Variants in NPHP3 observed in about 807,000 individuals in gnomAD.
The protein encoded by NPHP3 is nephrocystin-3.
In NPHP3, 123 loss-of-function variants were observed where a neutral mutation model predicts 171.9. That is an observed-to-expected ratio of 0.72 (90% confidence interval 0.62 to 0.83). The LOEUF is 0.83. NPHP3 is among the 40% of genes least tolerant of loss of function. NPHP3 has a pLI of 0.00. For missense variants in NPHP3, 1,506 were observed against 1,591.9 expected, an observed-to-expected ratio of 0.95 and a Z score of 0.92; for synonymous variants, 558 against 579.2, an observed-to-expected ratio of 0.96 and a Z score of 0.52.
At chr3:132,691,315 T>C in intron 17 of NPHP3, 29 bp from the exon 18 acceptor site, 1 of 1,483,334 alleles carries the variant, frequency 6.7e-7, no homozygotes, top group South Asian at 1.1e-5. Context: ...AATACTGAGT[T>C]CTATTTCACG....
At chr3:132,721,752 G>T in intron 1 of NPHP3, 1 of 736,234 alleles carries the variant, frequency 1.4e-6, no homozygotes, top group Non-Finnish European at 2.4e-6. Context: ...AGTGAGCCGC[G>T]ATCGTGCCAC....
intron 1 of NPHP3, among the ~76,000 whole-genome samples, chr3:132,720,998 A>G (rs889605665): frequency 1.3e-5 from 2 of 151,760 alleles, no homozygotes; most frequent in Non-Finnish European, 2.9e-5. Flanking sequence ...GCTCACTGCA[A>G]CCTCCGCCTC....
At position 132,697,357 on chromosome 3, in the gene NPHP3, C is replaced by T; in HGVS notation, c.1991G>A (p.Trp664Ter). 6.2e-7 allele frequency: 1 copy of T among 1,603,304 alleles called. No homozygotes were observed. Among genetic ancestry groups the T allele is most frequent in the Non-Finnish European group, 8.5e-7 (1 of 1,172,292 alleles). Residue 664 changes from tryptophan (W) to a stop codon, truncating the protein, a stop_gained, in exon 14 of 27, where the codon TGG becomes TAG. Coordinates refer to ENST00000337331, the MANE Select transcript of NPHP3 (RefSeq NM_153240.5). LOFTEE classifies it high-confidence loss of function. ...VETCPPAWRL[W>*]PTLHLDPLSP... Reference sequence around the variant, plus strand: ...TAAGGGATCAAGATGAAGTGTAGGCCACAACCTTTTATGTAAAGAAAAGAA... The same window carrying T: ...TAAGGGATCAAGATGAAGTGTAGGCTACAACCTTTTATGTAAAGAAAAGAA...
At chr3:132,710,576 GT>G (rs1939882112) in intron 6 of NPHP3, among the ~76,000 whole-genome samples, 2 of 152,056 alleles carry the variant, frequency 1.3e-5, no homozygotes, top group Non-Finnish European at 1.5e-5. Context: ...CCCAACAAGG[GT>G]GCTGATGTAA....
rs763973589 is a variant in NPHP3, at chr3:132,719,732, G to A, written c.492C>T (p.Asp164=). 1.3e-6 allele frequency: 2 copies of A among 1,570,876 alleles called. No individual in the cohort carries two copies. The highest frequency in any genetic ancestry group is 1.7e-6 in the Non-Finnish European group (2 of 1,155,060). The change falls in exon 2 of 27, where the codon GAC becomes GAT. Residue 164 remains aspartate, a synonymous_variant. Coordinates refer to ENST00000337331, the MANE Select transcript of NPHP3 (RefSeq NM_153240.5). ...TGAATTGCCTTTTAACTTTATCTCT[G>A]TCATGTTCAAATGTTGCTGCTCTCT... ...AMERAATFEH[D]RDKVKRQFKI... is the part of the protein sequence containing the mutation.
At chr3:132,687,555 T>C (rs1249197946) in intron 21 of NPHP3, among the ~76,000 whole-genome samples, 2 of 152,202 alleles carry the variant, frequency 1.3e-5, no homozygotes, top group African/African-American at 4.8e-5. Flanking sequence ...TCATCCTAAG[T>C]CTCTGAAGGG....
intron 4 of NPHP3, among the ~76,000 whole-genome samples, chr3:132,715,692 G>T (rs1246677186): frequency 1.3e-5 from 2 of 152,190 alleles, no homozygotes; most frequent in African/African-American, 2.4e-5. Flanking sequence ...TTTTAAAAAT[G>T]ATTTTCATTT....
In NPHP3 at chr3:132,722,225, GAGTTGCGCAGC is replaced by G; in HGVS notation, c.120_130del (p.Leu41ValfsTer118). ...TGCCGCCCCCGCGCCTCGGCGGAACGAGTTGCGCAGCAGGCGGGCCTTGGGCTTCACCTCCA... is the reference window on the plus strand; with the variant it reads ...TGCCGCCCCCGCGCCTCGGCGGAACGAGGCGGGCCTTGGGCTTCACCTCCA... On this transcript the variant is annotated frameshift_variant, in exon 1 of 27. Coordinates refer to ENST00000337331, the MANE Select transcript of NPHP3 (RefSeq NM_153240.5). LOFTEE classifies it high-confidence loss of function. The G allele has an allele frequency of 7.1e-6, 11 of 1,549,806 alleles. No individual in the cohort carries two copies. Among genetic ancestry groups the G allele is most frequent in the Non-Finnish European group, 9.5e-6 (11 of 1,158,522 alleles).
chr3:132,721,802 G>A (rs955629739), intron 1 of NPHP3, 161 bp downstream of exon 1: 4 of 940,726 alleles, frequency 4.3e-6, no homozygotes, highest in South Asian at 1.4e-5. Context: ...GACAGAAAAA[G>A]GGGAGGGTTA....
At position 132,722,116 on chromosome 3, in the gene NPHP3, C is replaced by G. The variant is rs1940247250; in HGVS notation, c.240G>C (p.Ser80=). ...CCGCCGCGTACTCCAGCTCTGGCAC[C>G]GACGAGCCAGTGGACTTGAAGCTGG... The part of the protein sequence containing the change: ...LGASFKSTGS[S]VPELEYAAAE... The change falls in exon 1 of 27, where the codon TCG becomes TCC. Residue 80 remains serine, a synonymous_variant. Transcript: ENST00000337331. 16 of 1,604,802 alleles carry G rather than the reference C, an allele frequency of 1.0e-5. No individual in the cohort carries two copies. In the South Asian group the frequency reaches 1.8e-4, roughly 18 times the overall value.
chr3:132,698,711 A>G (rs1939523335), intron 13 of NPHP3, among the ~76,000 whole-genome samples: 1 of 152,150 alleles, frequency 6.6e-6, no homozygotes, highest in Non-Finnish European at 1.5e-5. Context: ...CGTTACGTGG[A>G]GCTACTCAAA....
intron 9 of NPHP3, among the ~76,000 whole-genome samples, chr3:132,701,750 C>A (rs191547324): frequency 6.6e-6 from 1 of 152,176 alleles, no homozygotes; most frequent in African/African-American, 2.4e-5. Context: ...TGGCTGGGCG[C>A]GGTGGCTCAC....
chr3:132,699,771 T>A, intron 12 of NPHP3, 147 bp downstream of exon 12: 1 of 842,872 alleles, frequency 1.2e-6, no homozygotes. Flanking sequence ...ATTTTTTTAA[T>A]CCATGTTACC....
intron 13 of NPHP3, among the ~76,000 whole-genome samples, chr3:132,697,985 CTT>C (rs753485150): frequency 1.5e-4 from 21 of 143,760 alleles, no homozygotes; most frequent in Non-Finnish European, 1.5e-4. Context: ...AATTGCTCTA[CTT>C]TTTTTTTTTT....
At chr3:132,695,908 T>C (rs1939440988) in intron 15 of NPHP3, among the ~76,000 whole-genome samples, 1 of 152,196 alleles carries the variant, frequency 6.6e-6, no homozygotes, top group Non-Finnish European at 1.5e-5. Flanking sequence ...CTCTCCAGCC[T>C]GGGCAACAGA....
At chr3:132,703,518 A>C (rs1293628200) in intron 9 of NPHP3, among the ~76,000 whole-genome samples, 2 of 150,672 alleles carry the variant, frequency 1.3e-5, no homozygotes, top group Non-Finnish European at 3.0e-5. Context: ...TAATATTTTG[A>C]TTCAAGAATT....
intron 17 of NPHP3, 53 bp from the exon 18 acceptor site, chr3:132,691,339 A>C: frequency 8.2e-7 from 1 of 1,214,354 alleles, no homozygotes; most frequent in Admixed American, 1.7e-5. Flanking sequence ...GTCACTGTAC[A>C]TCTAACAAGA....
chr3:132,689,380 T>C, intron 19 of NPHP3, 117 bp from the exon 20 acceptor site: 2 of 1,055,106 alleles, frequency 1.9e-6, no homozygotes, highest in Non-Finnish European at 2.9e-6. Flanking sequence ...GAGTACTGTG[T>C]AATGAGGTAA....
intron 6 of NPHP3, among the ~76,000 whole-genome samples, chr3:132,708,823 A>G (rs1000624307): frequency 2.0e-5 from 3 of 152,192 alleles, no homozygotes; most frequent in Non-Finnish European, 2.9e-5. Context: ...AGGAGCTAAA[A>G]TATGGCATGT....
Sources: gnomAD v4.1 joint callset for allele counts (sites outside exome capture counted in the v4.1 genomes callset) on GRCh38, gnomAD v4.1.1 for gene constraint, MANE v1.5 for transcripts, NCBI Gene and HGNC (gene_info 2026-07-23, HGNC 2026-07-21) for gene names.